HECW1: variants seen among roughly 807,000 people sequenced by gnomAD.
HECW1 encodes the protein HECT, C2 and WW domain containing E3 ubiquitin protein ligase 1, also known as E3 ubiquitin-protein ligase HECW1.
Under a neutral mutation model 182.3 loss-of-function variants are expected in HECW1, and 61 were observed. The ratio of observed to expected loss-of-function variants is 0.33; its 90% CI spans 0.27 to 0.41. HECW1 has a LOEUF of 0.41. Among genes scored for constraint, HECW1 ranks in the 10% least tolerant of loss-of-function variants. The probability of loss-of-function intolerance (pLI) is 1.00; values close to 1 mark genes in which losing one functional copy is unlikely to be tolerated. For missense variants in HECW1, 1,739 were observed against 2,108.9 expected (o/e 0.82, Z 3.44); for synonymous variants, 859 against 832.6 (o/e 1.03, Z -0.55).
rs1013388045 is a variant in HECW1, at chr7:43,541,862, C to T, written c.4119-7C>T. ...GGTAATTTGCCTTTCTCACTGAATT[C>T]ACCCAGGCCCTGTGATTTGAGTGAC... On this transcript the variant is annotated splice_region_variant and splice_polypyrimidine_tract_variant and intron_variant, in intron 25 of 29. Transcript: ENST00000395891. 6.8e-7 allele frequency: 1 copy of T among 1,480,868 alleles called. No homozygotes were observed. The highest frequency in any genetic ancestry group is 1.8e-4 in the Middle Eastern group (1 of 5,584). 91.7% of individuals were successfully genotyped at this position (1,480,868 alleles called of 1,614,324 possible). A position where few individuals can be genotyped will look rare whatever the true frequency, so the allele number is the denominator to read the frequency against.
intron 24 of HECW1, among the ~76,000 whole-genome samples, chr7:43,527,526 G>A (rs1381841741): frequency 1.3e-5 from 2 of 152,074 alleles, no homozygotes; most frequent in Non-Finnish European, 1.5e-5. Flanking sequence ...AACGCTTGTC[G>A]ATGGATTAGG....
intron 6 of HECW1, among the ~76,000 whole-genome samples, chr7:43,384,348 C>T (rs2074682201): frequency 6.6e-6 from 1 of 152,156 alleles, no homozygotes; most frequent in Non-Finnish European, 1.5e-5. Flanking sequence ...TCCAGCAACC[C>T]ATGGGTAGCA....
intron 6 of HECW1, among the ~76,000 whole-genome samples, chr7:43,393,976 T>A (rs2075136435): frequency 6.6e-6 from 1 of 152,180 alleles, no homozygotes; most frequent in Admixed American, 6.5e-5. Flanking sequence ...TTTCTATTGT[T>A]CCCCCAAAGA....
chr7:43,320,644 T>C lies in HECW1; in HGVS notation c.362T>C (p.Leu121Ser). Reference protein sequence around the residue: ...WIGMYLIDEVLSENFLDYKNR... With the variant: ...WIGMYLIDEVSSENFLDYKNR... ...TCCTCTGGGAATATAGATGAGGTCT[T>C]GTCCGAAAACTTTCTGGACTATAAA... Residue 121 changes from leucine (L) to serine (S), a missense_variant, in exon 5 of 30, where the codon TTG (leucine) becomes TCG (serine). Transcript: ENST00000395891. 1.9e-6 allele frequency: 3 copies of C among 1,612,428 alleles called. No individual in the cohort carries two copies. Among genetic ancestry groups the C allele is most frequent in the Non-Finnish European group, 2.5e-6 (3 of 1,178,394 alleles).
chr7:43,167,102 A>G (rs940845749), intron 2 of HECW1, among the ~76,000 whole-genome samples: 2 of 152,340 alleles, frequency 1.3e-5, no homozygotes, highest in African/African-American at 4.8e-5. Flanking sequence ...GCCTAAAGCA[A>G]CAGGAATTTA....
intron 2 of HECW1, among the ~76,000 whole-genome samples, chr7:43,171,634 G>A (rs370046798): frequency 5.9e-5 from 9 of 152,286 alleles, no homozygotes; most frequent in East Asian, 1.9e-4. Flanking sequence ...AAAAAGGGGC[G>A]TTTAGCTCAT....
At chr7:43,401,104 C>T (rs2075389627) in intron 7 of HECW1, among the ~76,000 whole-genome samples, 1 of 152,190 alleles carries the variant, frequency 6.6e-6, no homozygotes, top group Non-Finnish European at 1.5e-5. Flanking sequence ...GTCCCTTTTA[C>T]CATGTAAGGT....
rs77214302 is a variant in HECW1, at chr7:43,531,882, C to T, written c.4020-9281C>T. On this transcript the variant is annotated intron_variant, in intron 24 of 29. Coordinates refer to ENST00000395891, the MANE Select transcript of HECW1 (RefSeq NM_015052.5). ...ATCAATTAACATTCAGCCCTGGGTC[C>T]GCCTCTCCATCTGCACAAACTTCCT... 1.0e-3 allele frequency among the ~76,000 whole-genome samples: 155 copies of T among 152,296 alleles called. 2 individuals are homozygous for T. The East Asian group carries it at 0.026, about 25-fold the overall frequency.
At position 43,562,312 on chromosome 7, in the gene HECW1, A is replaced by T; in HGVS notation, c.*386A>T. 4.2e-6 allele frequency: 1 copy of T among 239,200 alleles called. No individual in the cohort carries two copies. The highest frequency in any genetic ancestry group is 6.1e-5 in the East Asian group (1 of 16,394). 14.8% of individuals were successfully genotyped at this position (239,200 alleles called of 1,614,324 possible). A position where few individuals can be genotyped will look rare whatever the true frequency, so the allele number is the denominator to read the frequency against. On this transcript the variant is annotated 3_prime_UTR_variant, in exon 30 of 30. Transcript: ENST00000395891. ...TGAAGGGAAAATGTGAGCATTAAGC[A>T]CTCCAGGCTTTCATATGCCCATGTC...
At chr7:43,486,910 AT>A (rs1433543550) in intron 17 of HECW1, among the ~76,000 whole-genome samples, 20 of 152,176 alleles carry the variant, frequency 1.3e-4, no homozygotes, top group African/African-American at 4.6e-4. Flanking sequence ...CACCATTAAC[AT>A]TTTTCTATAT....
chr7:43,478,219 T>A (rs971680352), intron 16 of HECW1, among the ~76,000 whole-genome samples: 1 of 151,958 alleles, frequency 6.6e-6, no homozygotes, highest in Admixed American at 6.6e-5. Flanking sequence ...GAGCTCGAGA[T>A]CAGCCTGACC....
In HECW1 at chr7:43,456,284, T is replaced by TC. The variant is rs397951703; in HGVS notation, c.2501-13_2501-12insC. 6.3e-7 allele frequency: 1 copy of TC among 1,596,426 alleles called. No individual in the cohort carries two copies. The highest frequency in any genetic ancestry group is 8.6e-7 in the Non-Finnish European group (1 of 1,169,510). On this transcript the variant is annotated splice_polypyrimidine_tract_variant and intron_variant, in intron 12 of 29. Coordinates refer to ENST00000395891, the MANE Select transcript of HECW1 (RefSeq NM_015052.5). ...TCCTTGATTTTTCTTTTTGCCTTTTTATTAAACACTAGACTGGGAAGCTCG... is the reference window on the plus strand; with the variant it reads ...TCCTTGATTTTTCTTTTTGCCTTTTTCATTAAACACTAGACTGGGAAGCTCG...
In HECW1 at chr7:43,432,209, G is replaced by A. The variant is rs1398517348; in HGVS notation, c.802-5794G>A. On this transcript the variant is annotated intron_variant, in intron 8 of 29. Transcript: ENST00000395891. The surrounding 1 kb of genome is among the most constrained non-coding windows in gnomAD (Gnocchi z 4.1). ...GGCTGGAGTGCAGTGGCGGGATCTC[G>A]GCTCACTGCAAGCTCCGCCTCCCGG... Among the ~76,000 whole-genome samples, 5 of 148,922 alleles carry A rather than the reference G, an allele frequency of 3.4e-5. No individual in the cohort carries two copies. The highest frequency in any genetic ancestry group is 4.2e-4 in the South Asian group (2 of 4,708).
chr7:43,205,307 A>G (rs2152691748), intron 2 of HECW1, among the ~76,000 whole-genome samples: 1 of 152,148 alleles, frequency 6.6e-6, no homozygotes, highest in East Asian at 1.9e-4. Flanking sequence ...CTGGTCTCAA[A>G]CTCCTGACGT....
intron 8 of HECW1, among the ~76,000 whole-genome samples, chr7:43,422,073 G>A (rs376578808): frequency 2.0e-5 from 3 of 152,280 alleles, no homozygotes; most frequent in African/African-American, 7.2e-5. Flanking sequence ...AGCGAGCTCA[G>A]GGTGTTTTCT....
At chr7:43,271,080 G>C (rs1031846232) in intron 3 of HECW1, among the ~76,000 whole-genome samples, 7 of 152,114 alleles carry the variant, frequency 4.6e-5, no homozygotes, top group Non-Finnish European at 1.0e-4. Flanking sequence ...CAAGGAGATA[G>C]ATTTATATAA....
chr7:43,206,284 G>A (rs1795468560), intron 2 of HECW1, among the ~76,000 whole-genome samples: 1 of 152,186 alleles, frequency 6.6e-6, no homozygotes, highest in African/African-American at 2.4e-5. Context: ...ACGGAGTCAA[G>A]AGGATCTTCC....
chr7:43,403,046 T>C (rs2075479547), intron 7 of HECW1, among the ~76,000 whole-genome samples: 4 of 152,234 alleles, frequency 2.6e-5, no homozygotes, highest in Non-Finnish European at 5.9e-5. Flanking sequence ...GAATTGGGTA[T>C]TCAAAATGTT....
Position 43,444,964 on chromosome 7 carries a change from G to T in HECW1, c.1792G>T (p.Asp598Tyr), listed in dbSNP as rs1053783825. 1.9e-6 allele frequency: 3 copies of T among 1,570,374 alleles called. No homozygotes were observed. Among genetic ancestry groups the T allele is most frequent in the Admixed American group, 3.6e-5 (2 of 56,300 alleles). ...ESTLKDSSEK[D>Y]GLSEVDTVAA... ...CACCCTCAAGGACTCCTCGGAGAAG[G>T]ATGGGCTCAGCGAGGTGGACACGGT... is the stretch of plus-strand genomic sequence containing the variant. Residue 598 changes from aspartate to tyrosine, a missense_variant, in exon 11 of 30, where the codon GAT (aspartate) becomes TAT (tyrosine). Around this residue, in one of 5 missense-constraint regions of HECW1, gnomAD observed 971 missense variants for 1,029.1 expected, o/e 0.94. Coordinates refer to ENST00000395891, the MANE Select transcript of HECW1 (RefSeq NM_015052.5). This position sits in a 1 kb window ranked among gnomAD's most constrained non-coding sequence, Gnocchi z 4.3.
Sources: gnomAD v4.1 joint callset for allele counts (sites outside exome capture counted in the v4.1 genomes callset) on GRCh38, gnomAD v4.1.1 for gene constraint, gnomAD v4.1.1 regional missense constraint, Gnocchi (gnomAD v3.1) non-coding constraint, MANE v1.5 for transcripts, NCBI Gene and HGNC (gene_info 2026-07-23, HGNC 2026-07-21) for gene names.